THSD7B: variants seen among roughly 807,000 people sequenced by gnomAD.
THSD7B encodes the protein thrombospondin type-1 domain-containing protein 7B.
A neutral mutation model predicts 213.6 loss-of-function variants in THSD7B; 138 were observed. The ratio of observed to expected loss-of-function variants is 0.65; its 90% CI spans 0.56 to 0.74. The LOEUF is 0.74. Among genes scored for constraint, THSD7B ranks in the 30% least tolerant of loss-of-function variants. THSD7B has a pLI of 0.00. For missense variants in THSD7B, 1,931 were observed against 1,991.5 expected (o/e 0.97, Z 0.58); for synonymous variants, 742 against 687.0 (o/e 1.08, Z -1.25).
At chr2:137,465,690 A>G (rs1687978577) in intron 15 of THSD7B, among the ~76,000 whole-genome samples, 1 of 152,130 alleles carries the variant, frequency 6.6e-6, no homozygotes, top group Admixed American at 6.5e-5. Flanking sequence ...AATAAGACAT[A>G]TCAGTAACAT....
chr2:137,197,714 G>A (rs1387465294), intron 7 of THSD7B, among the ~76,000 whole-genome samples: 7 of 152,164 alleles, frequency 4.6e-5, no homozygotes, highest in African/African-American at 1.7e-4. Flanking sequence ...GGTTCTGTGT[G>A]TTTAGGAACA....
chr2:136,823,282 G>A (rs1682594628), intron 1 of THSD7B, among the ~76,000 whole-genome samples: 1 of 152,194 alleles, frequency 6.6e-6, no homozygotes, highest in Non-Finnish European at 1.5e-5. Context: ...GGCCATTAAA[G>A]TTCTGATTTG....
Position 137,642,601 on chromosome 2 carries a change from G to A in THSD7B, c.3913G>A (p.Val1305Ile). 1.9e-6 allele frequency: 3 copies of A among 1,613,870 alleles called. No individual in the cohort carries two copies. The highest frequency in any genetic ancestry group is 1.7e-6 in the Non-Finnish European group (2 of 1,179,848). ...TCPVTPCYSWVLGNWSACKLE... is the reference protein window; with the variant it reads ...TCPVTPCYSWILGNWSACKLE... ...CCCAGTGACCCCCTGCTACAGCTGGGTCCTTGGCAACTGGTCTGCATGTAA... is the reference window on the plus strand; with the variant it reads ...CCCAGTGACCCCCTGCTACAGCTGGATCCTTGGCAACTGGTCTGCATGTAA... Residue 1305 changes from valine to isoleucine, a missense_variant, in exon 21 of 28, where the codon GTC becomes ATC. Coordinates refer to ENST00000409968, the MANE Select transcript of THSD7B (RefSeq NM_001316349.2).
At chr2:136,872,626 C>A (rs1211048402) in intron 1 of THSD7B, among the ~76,000 whole-genome samples, 1 of 122,052 alleles carries the variant, frequency 8.2e-6, no homozygotes, top group Admixed American at 8.0e-5. Flanking sequence ...CTTTCTCTTT[C>A]TTTTCTTTCT....
At position 137,486,123 on chromosome 2, in the gene THSD7B, A is replaced by G. The variant is rs557201964; in HGVS notation, c.3138+35100A>G. Among the ~76,000 whole-genome samples, 6 of 152,234 alleles carry G rather than the reference A, an allele frequency of 3.9e-5. No homozygotes were observed. In the East Asian group the frequency reaches 7.7e-4, roughly 20 times the overall value. ...AATAACCAGCTAACATCATAATGAC[A>G]GGATCAAATTCACACATAACAATAT... is the stretch of plus-strand genomic sequence containing the variant. On this transcript the variant is annotated intron_variant, in intron 15 of 27. Coordinates refer to ENST00000409968, the MANE Select transcript of THSD7B (RefSeq NM_001316349.2).
At chr2:137,131,855 C>A (rs1252797303) in intron 5 of THSD7B, among the ~76,000 whole-genome samples, 1 of 152,066 alleles carries the variant, frequency 6.6e-6, no homozygotes, top group Non-Finnish European at 1.5e-5. Context: ...ATTGACTTGG[C>A]AATGTGGGCT....
At chr2:136,983,350 G>GACAGACACACACAC (rs1553462379) in intron 2 of THSD7B, among the ~76,000 whole-genome samples, 6 of 53,080 alleles carry the variant, frequency 1.1e-4, no homozygotes, top group Admixed American at 7.0e-4. Flanking sequence ...CACACACACA[G>GACAGACACACACAC]ACACACAGAC....
intron 4 of THSD7B, among the ~76,000 whole-genome samples, chr2:137,096,177 A>G (rs1447235912): frequency 6.6e-6 from 1 of 152,214 alleles, no homozygotes; most frequent in Non-Finnish European, 1.5e-5. Context: ...CCTGAACTGT[A>G]TCTGTTAAAT....
intron 14 of THSD7B, among the ~76,000 whole-genome samples, chr2:137,449,139 TAAGAAA>T (rs150560769): frequency 0.061 from 9,231 of 152,096 alleles, 404 homozygotes; most frequent in South Asian, 0.16. Context: ...ACAGAACAAT[TAAGAAA>T]AAGAAAGGCA....
rs182863406 is a variant in THSD7B at position 137,189,266 on chromosome 2, T to C, written c.1723+18328T>C. On this transcript the variant is annotated intron_variant, in intron 7 of 27. Transcript: ENST00000409968. ...GGTTCGTAAATTCTTGTCAGAAAAC[T>C]GGTTTCTCCCTATCAAAGGGTTTTC... Among the ~76,000 whole-genome samples, 714 of 152,292 alleles carry C rather than the reference T, an allele frequency of 4.7e-3. 5 individuals carry two copies. The highest frequency in any genetic ancestry group is 0.014 in the African/African-American group (582 of 41,552).
At chr2:137,291,435 A>G (rs1279257686) in intron 12 of THSD7B, among the ~76,000 whole-genome samples, 1 of 152,180 alleles carries the variant, frequency 6.6e-6, no homozygotes, top group African/African-American at 2.4e-5. Context: ...TTACACATAT[A>G]AAAGTTACTC....
chr2:137,570,210 T>G (rs1366768015), intron 16 of THSD7B, among the ~76,000 whole-genome samples: 1 of 151,944 alleles, frequency 6.6e-6, no homozygotes, highest in Non-Finnish European at 1.5e-5. Flanking sequence ...TTTTCATGAG[T>G]TAGCAACTCA....
chr2:136,890,371 T>TTCTTCCTCTTCC (rs1683805903), intron 2 of THSD7B, among the ~76,000 whole-genome samples: 1 of 6,638 alleles, frequency 1.5e-4, no homozygotes, highest in African/African-American at 5.1e-4. Flanking sequence ...CTTCTTCTTC[T>TTCTTCCTCTTCC]TCTTCCTCTT....
At chr2:137,457,935 TA>T (rs1360612316) in intron 15 of THSD7B, among the ~76,000 whole-genome samples, 1 of 152,212 alleles carries the variant, frequency 6.6e-6, no homozygotes, top group Non-Finnish European at 1.5e-5. Flanking sequence ...AGTCCACCCC[TA>T]AATAAATGAA....
intron 2 of THSD7B, among the ~76,000 whole-genome samples, chr2:136,951,955 C>T (rs544255638): frequency 9.9e-5 from 15 of 152,172 alleles, no homozygotes; most frequent in African/African-American, 3.4e-4. Context: ...CTGCAACCTC[C>T]GCCTCTTGGG....
At chr2:136,845,683 T>C (rs187137586) in intron 1 of THSD7B, among the ~76,000 whole-genome samples, 104 of 152,274 alleles carry the variant, frequency 6.8e-4, no homozygotes, top group African/African-American at 2.5e-3. Flanking sequence ...GGCTGGAATG[T>C]TGTGCTAACC....
intron 7 of THSD7B, among the ~76,000 whole-genome samples, chr2:137,201,033 G>T (rs1042450484): frequency 7.2e-5 from 11 of 152,190 alleles, no homozygotes; most frequent in African/African-American, 2.7e-4. Context: ...TTATGTAGAT[G>T]TAGGCTATTT....
chr2:137,504,873 T>C (rs3748877), intron 15 of THSD7B, among the ~76,000 whole-genome samples: 30,658 of 152,010 alleles, frequency 0.2, 3,247 homozygotes, highest in South Asian at 0.28. Context: ...AAAGGCAATG[T>C]ATTAGAGAAA....
rs187372627 is a variant in THSD7B, at chr2:137,540,262, C to T, written c.3139-22959C>T. Among the ~76,000 whole-genome samples the T allele has an allele frequency of 3.8e-3, 576 of 151,834 alleles. 1 individual carries two copies. The highest frequency in any genetic ancestry group is 6.8e-3 in the Middle Eastern group (2 of 294). ...GTGGAGAAAAGATCTCCCCAAATCT[C>T]TTCCTGCATAAAAGCAGCAAGAACC... On this transcript the variant is annotated intron_variant, in intron 15 of 27. Coordinates refer to ENST00000409968, the MANE Select transcript of THSD7B (RefSeq NM_001316349.2).
Sources: allele counts gnomAD v4.1 joint callset (sites outside exome capture counted in the v4.1 genomes callset), GRCh38; gene constraint gnomAD v4.1.1; transcripts MANE v1.5; gene names NCBI Gene and HGNC (gene_info 2026-07-23, HGNC 2026-07-21).